CPM: variants seen among roughly 807,000 people sequenced by gnomAD.
CPM encodes the protein renal carboxypeptidase.
In CPM, 35 loss-of-function variants were observed where a neutral mutation model predicts 46.4. That is an observed-to-expected ratio of 0.75 (90% CI 0.58 to 1.00). The LOEUF is 1.00. Ranked by LOEUF, CPM falls within the 50% of genes least tolerant of loss-of-function variation. The probability of loss-of-function intolerance (pLI) is 0.00; values close to 1 mark genes in which losing one functional copy is unlikely to be tolerated. For synonymous variants in CPM, 195 were observed against 195.3 expected, an observed-to-expected ratio of 1.00 and a Z score of 0.01; for missense variants, 422 against 530.4, an observed-to-expected ratio of 0.80 and a Z score of 2.01.
At position 68,897,721 on chromosome 12, in the gene CPM, A is replaced by G. The variant is rs188784144; in HGVS notation, c.161-11832T>C. On this transcript the variant is annotated intron_variant, in intron 2 of 8. Transcript: ENST00000551568. The stretch of plus-strand genomic sequence containing the variant: ...CATTGCACTCCAGTCTGGGTGACAG[A>G]GCGAGACTCCGTTTCAAAAAAAAAA... 5.7e-3 allele frequency among the ~76,000 whole-genome samples: 799 copies of G among 139,096 alleles called. 12 individuals are homozygous for G. The highest frequency in any genetic ancestry group is 0.02 in the African/African-American group (734 of 36,880). 91.3% of individuals were successfully genotyped at this position (139,096 alleles called of 152,430 possible).
intron 2 of CPM, among the ~76,000 whole-genome samples, chr12:68,904,193 G>A (rs1887241198): frequency 6.6e-6 from 1 of 152,182 alleles, no homozygotes; most frequent in African/African-American, 2.4e-5. Flanking sequence ...CAGGTCTCTT[G>A]AAAGGAATCT....
rs562662016 is a variant in CPM at position 68,855,720 on chromosome 12, GTTTT to G, written c.*713_*716del. On this transcript the variant is annotated 3_prime_UTR_variant, in exon 9 of 9. Transcript: ENST00000551568. ...TCACATGTAGCACTCATGGTGAGGT[GTTTT>G]TTTTGTTTGTTTGTTTTTGTTTTTT... is the stretch of plus-strand genomic sequence containing the variant. 6.7e-6 allele frequency: 1 copy of G among 148,418 alleles called. No individual in the cohort carries two copies. Among genetic ancestry groups the G allele is most frequent in the African/African-American group, 2.5e-5 (1 of 39,662 alleles). 9.2% of individuals were successfully genotyped at this position (148,418 alleles called of 1,614,324 possible).
At chr12:68,935,315 C>T (rs1888656734), upstream of CPM, among the ~76,000 whole-genome samples, 1 of 151,988 alleles carries the variant, frequency 6.6e-6, no homozygotes, top group Non-Finnish European at 1.5e-5. Context: ...GGCTTGAGTG[C>T]AGTGGTGCAA....
At chr12:68,883,021 A>AAC (rs1009372047) in intron 3 of CPM, among the ~76,000 whole-genome samples, 2 of 151,842 alleles carry the variant, frequency 1.3e-5, no homozygotes, top group African/African-American at 2.4e-5. Flanking sequence ...CACACACACA[A>AAC]ACACACACAC....
At chr12:68,865,785 C>T (rs1230379438) in intron 7 of CPM, among the ~76,000 whole-genome samples, 2 of 152,128 alleles carry the variant, frequency 1.3e-5, no homozygotes, top group Non-Finnish European at 2.9e-5. Flanking sequence ...AAAGAGACAC[C>T]ACCTGGTTAA....
chr12:68,931,763 A>AAAAAAAAAAAAAAAGAAAG (rs1482981614), intron 2 of CPM, among the ~76,000 whole-genome samples: 2 of 132,506 alleles, frequency 1.5e-5, no homozygotes, highest in Admixed American at 7.6e-5. Context: ...AAAAAAAAAA[A>AAAAAAAAAAAAAAAGAAAG]AAAGAAAGAA....
chr12:68,874,363 C>A (rs1885844940), intron 3 of CPM, among the ~76,000 whole-genome samples: 1 of 152,046 alleles, frequency 6.6e-6, no homozygotes, highest in Non-Finnish European at 1.5e-5. Flanking sequence ...AGCCTGTAAT[C>A]CCAGCACTTT....
intron 1 of CPM, among the ~76,000 whole-genome samples, chr12:68,948,662 AG>A (rs1888885864): frequency 6.6e-6 from 1 of 152,232 alleles, no homozygotes; most frequent in African/African-American, 2.4e-5. Flanking sequence ...CAACAAAGTT[AG>A]GAGGAAATAG....
chr12:68,847,166 T>C (rs1345477729), downstream of CPM: 2 of 111,548 alleles, frequency 1.8e-5, no homozygotes, highest in Non-Finnish European at 3.6e-5. Context: ...ATATAATACA[T>C]ATGTGTTTAT....
intron 2 of CPM, among the ~76,000 whole-genome samples, chr12:68,930,614 CAT>C (rs1888460792): frequency 6.6e-6 from 1 of 152,214 alleles, no homozygotes; most frequent in South Asian, 2.1e-4. Context: ...TTCAGAACAA[CAT>C]ATTCAACACA....
At position 68,879,879 on chromosome 12, in the gene CPM, T is replaced by C. The variant is rs542387765; in HGVS notation, c.258+5913A>G. On this transcript the variant is annotated intron_variant, in intron 3 of 8. Transcript: ENST00000551568. ...TTCTCTTCTGCATCCACATTTAGGC[T>C]GAGGATGTTAGATGCTCCTGGTTTC... Among the ~76,000 whole-genome samples the C allele has an allele frequency of 2.0e-5, 3 of 152,292 alleles. No homozygotes were observed. The South Asian group carries it at 6.2e-4, about 32-fold the overall frequency.
chr12:68,859,773 C>T (rs183794377), intron 7 of CPM, among the ~76,000 whole-genome samples: 359 of 152,282 alleles, frequency 2.4e-3, no homozygotes, highest in African/African-American at 8.3e-3. Flanking sequence ...CCAGCCTAGC[C>T]GTCAACCCAT....
In CPM at chr12:68,852,439, A is replaced by T. The variant is rs1363650806; in HGVS notation, c.*3998T>A. The T allele has an allele frequency of 6.6e-6, 1 of 152,182 alleles. No individual in the cohort carries two copies. Among genetic ancestry groups the T allele is most frequent in the Non-Finnish European group, 1.5e-5 (1 of 68,030 alleles). The allele number at this position is 152,182 out of a possible 1,614,324, so 9.4% of individuals were successfully genotyped here. On this transcript the variant is annotated 3_prime_UTR_variant, in exon 9 of 9. Coordinates refer to ENST00000551568, the MANE Select transcript of CPM (RefSeq NM_198320.5). ...CACCAAAAATGTAGCATCTCTTACC[A>T]GTCACAGAATCACCGTTCAGCGTGG...
chr12:68,846,948 A>C (rs1258835951), downstream of CPM: 3 of 151,620 alleles, frequency 2.0e-5, no homozygotes, highest in Admixed American at 2.0e-4. Context: ...AATCCAGCTT[A>C]GGTAGCCTTG....
Position 68,871,959 on chromosome 12 carries a change from A to G in CPM, c.259-3T>C, listed in dbSNP as rs767586607. On this transcript the variant is annotated splice_region_variant and splice_polypyrimidine_tract_variant and intron_variant, in intron 3 of 8. Coordinates refer to ENST00000551568, the MANE Select transcript of CPM (RefSeq NM_198320.5). ...AGCAGCAGCTCCCGCCCAACAGTCT[A>G]TATGTGTTAAAGAGAAAAGAGGACA... is the stretch of plus-strand genomic sequence containing the variant. 16 of 1,613,984 alleles carry G rather than the reference A, an allele frequency of 9.9e-6. No homozygotes were observed. In the Admixed American group the frequency reaches 2.3e-4, roughly 24 times the overall value.
chr12:68,864,008 A>AAAT (rs1361004873), intron 7 of CPM, among the ~76,000 whole-genome samples: 1 of 152,222 alleles, frequency 6.6e-6, no homozygotes, highest in African/African-American at 2.4e-5. Context: ...TGGTATTTTG[A>AAAT]AATATGGTTT....
At chr12:68,894,042 C>T (rs1044430365) in intron 2 of CPM, among the ~76,000 whole-genome samples, 1 of 152,124 alleles carries the variant, frequency 6.6e-6, no homozygotes, top group Admixed American at 6.5e-5. Context: ...GGGACTACCT[C>T]ATGCTCACCA....
intron 5 of CPM, 149 bp from the exon 6 acceptor site, chr12:68,869,644 T>C (rs1361636534): frequency 4.4e-6 from 3 of 688,060 alleles, no homozygotes; most frequent in Non-Finnish European, 6.9e-6. Flanking sequence ...TCTATTCTTC[T>C]TTCTACTTTA....
intron 7 of CPM, 120 bp from the exon 8 acceptor site, chr12:68,859,191 T>C (rs1043035469): frequency 8.2e-5 from 43 of 524,846 alleles, no homozygotes; most frequent in Admixed American, 1.3e-4. Context: ...TGTGAGTTAA[T>C]ATTAAGTGTT....
Sources: allele counts gnomAD v4.1 joint callset (sites outside exome capture counted in the v4.1 genomes callset), GRCh38; gene constraint gnomAD v4.1.1; transcripts MANE v1.5; gene names NCBI Gene and HGNC (gene_info 2026-07-23, HGNC 2026-07-21).